TIPARP: variants seen among roughly 807,000 people sequenced by gnomAD.
TIPARP encodes the protein protein mono-ADP-ribosyltransferase TIPARP.
A neutral mutation model predicts 56.5 loss-of-function variants in TIPARP; 12 were observed. The observed-to-expected ratio is 0.21, with a 90% CI of 0.14 to 0.34. TIPARP has a LOEUF of 0.34. Ranked by LOEUF, TIPARP falls within the 10% of genes least tolerant of loss-of-function variation. The pLI is 1.00. For synonymous variants in TIPARP, 296 were observed against 265.7 expected, an observed-to-expected ratio of 1.11 and a Z score of -1.11; for missense variants, 604 against 781.6, an observed-to-expected ratio of 0.77 and a Z score of 2.71.
At chr3:156,697,422 C>CTTTT (rs60091681) in intron 4 of TIPARP, among the ~76,000 whole-genome samples, 1,675 of 140,256 alleles carry the variant, frequency 0.012, 30 homozygotes, top group Non-Finnish European at 0.016. Context: ...AATATGCCCT[C>CTTTT]TTTTTTTTTT....
intron 2 of TIPARP, among the ~76,000 whole-genome samples, chr3:156,690,777 CTT>C (rs1445944387): frequency 3.3e-5 from 5 of 152,072 alleles, no homozygotes; most frequent in African/African-American, 1.2e-4. Context: ...TACCCATACT[CTT>C]TTTTGGCTGT....
In TIPARP at chr3:156,678,349, G is replaced by T. The variant is rs1484506901; in HGVS notation, c.652G>T (p.Ala218Ser). The T allele has an allele frequency of 2.5e-6, 4 of 1,614,172 alleles. No individual in the cohort carries two copies. The change falls in exon 2 of 6, where the codon GCT becomes TCT. Residue 218 changes from alanine to serine, a missense_variant. Ala to Ser is a moderately conservative substitution (Grantham distance 99). Around this residue, in one of 4 missense-constraint regions of TIPARP, gnomAD observed 261 missense variants for 279.2 expected, o/e 0.93. Coordinates refer to ENST00000295924, the MANE Select transcript of TIPARP (RefSeq NM_015508.5). ...TELFQDKSEE[A>S]SLDLVFELVN... ...GCTCTTTCAGGACAAAAGTGAAGAG[G>T]CTTCCCTTGACCTCGTGTTTGAGCT...
intron 2 of TIPARP, among the ~76,000 whole-genome samples, chr3:156,688,484 C>CA (rs1722485235): frequency 6.7e-6 from 1 of 148,266 alleles, no homozygotes; most frequent in African/African-American, 2.5e-5. Flanking sequence ...TTATTGCCGC[C>CA]CCCCCCCGCA....
chr3:156,699,565 T>C (rs1476113502), intron 4 of TIPARP, among the ~76,000 whole-genome samples: 2 of 152,204 alleles, frequency 1.3e-5, no homozygotes, highest in African/African-American at 4.8e-5. Flanking sequence ...TATTATGTAC[T>C]GAATAGACTA....
intron 2 of TIPARP, among the ~76,000 whole-genome samples, chr3:156,687,260 G>A (rs989030768): frequency 6.6e-6 from 1 of 152,172 alleles, no homozygotes. Context: ...AGTTAAGGCT[G>A]TATGACATTT....
At chr3:156,678,793 A>G (rs540836495) in intron 2 of TIPARP, among the ~76,000 whole-genome samples, 179 bp downstream of exon 2, 107 of 152,276 alleles carry the variant, frequency 7.0e-4, no homozygotes, top group Middle Eastern at 3.4e-3. Context: ...TATTAACTCA[A>G]CCGGACAATG....
intron 4 of TIPARP, among the ~76,000 whole-genome samples, chr3:156,697,324 A>T (rs187533150): frequency 6.6e-6 from 1 of 151,852 alleles, no homozygotes; most frequent in African/African-American, 2.4e-5. Context: ...CTTCTGTGTG[A>T]GGGTAAGAAT....
chr3:156,685,619 T>G (rs1396564381), intron 2 of TIPARP, among the ~76,000 whole-genome samples: 1 of 152,240 alleles, frequency 6.6e-6, no homozygotes, highest in Non-Finnish European at 1.5e-5. Context: ...ACATAGTACT[T>G]CTGGTAATGA....
At chr3:156,679,318 A>G (rs1722231578) in intron 2 of TIPARP, among the ~76,000 whole-genome samples, 1 of 152,194 alleles carries the variant, frequency 6.6e-6, no homozygotes, top group South Asian at 2.1e-4. Flanking sequence ...AGATGTGTGT[A>G]TACACATAAC....
intron 2 of TIPARP, among the ~76,000 whole-genome samples, chr3:156,691,880 G>A (rs554029043): frequency 3.7e-4 from 56 of 152,212 alleles, no homozygotes; most frequent in African/African-American, 1.3e-3. Context: ...AGGATTTGTC[G>A]TAGAAACTTC....
chr3:156,680,343 T>C (rs1414415684), intron 2 of TIPARP, among the ~76,000 whole-genome samples: 2 of 152,226 alleles, frequency 1.3e-5, no homozygotes, highest in African/African-American at 4.8e-5. Flanking sequence ...TTTTCCATTT[T>C]ATCTTAAAAA....
intron 4 of TIPARP, among the ~76,000 whole-genome samples, 154 bp from the exon 5 acceptor site, chr3:156,703,270 T>G (rs1261577226): frequency 1.3e-5 from 2 of 152,238 alleles, no homozygotes; most frequent in Admixed American, 1.3e-4. Context: ...CAAGCCTTTT[T>G]TTTTAATTAA....
intron 2 of TIPARP, among the ~76,000 whole-genome samples, chr3:156,689,154 C>G (rs1410107125): frequency 6.6e-6 from 1 of 152,126 alleles, no homozygotes; most frequent in African/African-American, 2.4e-5. Context: ...ATGCCAAAGT[C>G]TGAGTTCTAT....
Position 156,678,594 on chromosome 3 carries a change from T to C in TIPARP, c.897T>C (p.Asp299=). The change falls in exon 2 of 6, where the codon GAT becomes GAC. Residue 299 remains aspartate (D), a synonymous_variant. Transcript: ENST00000295924. ...GATTTTACTGTAACCCAGAAAATGA[T>C]AGAATGAGAATGAAGTATGGGTATG... ...LERFYCNPEN[D]RMRMKYGGQE... 6.2e-7 allele frequency: 1 copy of C among 1,613,676 alleles called. No individual in the cohort carries two copies. Among genetic ancestry groups the C allele is most frequent in the South Asian group, 1.1e-5 (1 of 91,030 alleles).
chr3:156,691,158 A>G (rs1427500783), intron 2 of TIPARP, among the ~76,000 whole-genome samples: 5 of 152,166 alleles, frequency 3.3e-5, no homozygotes, highest in African/African-American at 9.7e-5. Context: ...TCAAGAAGCA[A>G]AGTGCTTGGA....
chr3:156,681,220 A>G (rs1483527602), intron 2 of TIPARP: 1 of 456,634 alleles, frequency 2.2e-6, no homozygotes, highest in Admixed American at 2.3e-5. Context: ...ATTTGGCTAA[A>G]GCTATTAATC....
Position 156,694,205 on chromosome 3 carries a change from T to C in TIPARP, c.1086+17T>C, listed in dbSNP as rs371186673. The C allele has an allele frequency of 2.6e-6, 4 of 1,566,552 alleles. No homozygotes were observed. In the African/African-American group the frequency reaches 4.2e-5, roughly 16 times the overall value. On this transcript the variant is annotated intron_variant, in intron 3 of 5. Transcript: ENST00000295924. ...TATCCCGAGGTATTTACAGATTCTT[T>C]GTTGACAAGTACATTTTTCAAATTT...
chr3:156,703,809 C>G lies in TIPARP; in HGVS notation c.1526+107C>G, dbSNP rs181862694. The stretch of plus-strand genomic sequence containing the variant: ...CGGGCAGATTACGAGGTCAGGAGAT[C>G]GAGACCATCCTAGCTAACACGGTGA... On this transcript the variant is annotated intron_variant, in intron 5 of 5. Transcript: ENST00000295924. 6.7e-5 allele frequency: 79 copies of G among 1,177,234 alleles called. No homozygotes were observed. The African/African-American group carries it at 1.1e-3, about 16-fold the overall frequency. The allele number at this position is 1,177,234 out of a possible 1,614,324, so 72.9% of individuals were successfully genotyped here.
chr3:156,702,209 A>G (rs1325141883), intron 4 of TIPARP, among the ~76,000 whole-genome samples: 2 of 152,286 alleles, frequency 1.3e-5, no homozygotes, highest in African/African-American at 4.8e-5. Flanking sequence ...TGAAAAGAGT[A>G]TGAAATTAGA....
Sources: gnomAD v4.1 joint callset for allele counts (sites outside exome capture counted in the v4.1 genomes callset) on GRCh38, gnomAD v4.1.1 for gene constraint, gnomAD v4.1.1 regional missense constraint, MANE v1.5 for transcripts, NCBI Gene and HGNC (gene_info 2026-07-23, HGNC 2026-07-21) for gene names.